MEF2A: variants seen among roughly 807,000 people sequenced by gnomAD.
The protein encoded by MEF2A is myocyte-specific enhancer factor 2A.
In MEF2A, 28 loss-of-function variants were observed where a neutral mutation model predicts 55.8. The observed-to-expected ratio is 0.50, with a 90% confidence interval of 0.37 to 0.69. The LOEUF is 0.69. Ranked by LOEUF, MEF2A falls within the 30% of genes least tolerant of loss-of-function variation. The probability of loss-of-function intolerance (pLI) is 0.00; values close to 1 mark genes in which losing one functional copy is unlikely to be tolerated. For synonymous variants in MEF2A, 239 were observed against 227.1 expected, an observed-to-expected ratio of 1.05 and a Z score of -0.47; for missense variants, 528 against 626.2, an observed-to-expected ratio of 0.84 and a Z score of 1.67.
chr15:99,698,472 CA>C (rs1223357041), intron 8 of MEF2A, among the ~76,000 whole-genome samples: 1 of 152,074 alleles, frequency 6.6e-6, no homozygotes, highest in Admixed American at 6.6e-5. Flanking sequence ...GATATAACTG[CA>C]CATCTAGTAA....
intron 2 of MEF2A, among the ~76,000 whole-genome samples, chr15:99,615,788 C>T (rs1053437938): frequency 6.6e-6 from 1 of 152,150 alleles, no homozygotes; most frequent in African/African-American, 2.4e-5. Flanking sequence ...TTATGGAAGA[C>T]CTGTGTATAC....
intron 1 of MEF2A, among the ~76,000 whole-genome samples, chr15:99,590,274 T>C (rs1466414191): frequency 2.0e-5 from 3 of 151,874 alleles, no homozygotes; most frequent in East Asian, 1.9e-4. Context: ...TTGTCTGATA[T>C]TAATATAGGC....
At chr15:99,587,301 T>C (rs1967671611) in intron 1 of MEF2A, among the ~76,000 whole-genome samples, 1 of 152,056 alleles carries the variant, frequency 6.6e-6, no homozygotes, top group Admixed American at 6.6e-5. Context: ...AGTGAGAACA[T>C]GTGGTGTTTG....
chr15:99,678,442 A>G (rs1310457780), intron 7 of MEF2A, among the ~76,000 whole-genome samples: 3 of 152,228 alleles, frequency 2.0e-5, no homozygotes, highest in Admixed American at 6.5e-5. Flanking sequence ...TATATATGTC[A>G]TAACTTACTG....
intron 4 of MEF2A, among the ~76,000 whole-genome samples, chr15:99,646,203 G>A (rs748871540): frequency 2.6e-5 from 4 of 152,208 alleles, no homozygotes; most frequent in Admixed American, 2.6e-4. Context: ...TAGTGTTTTA[G>A]TTGGGCAACA....
intron 11 of MEF2A, among the ~76,000 whole-genome samples, chr15:99,711,903 T>G (rs1567517343): frequency 1.3e-5 from 2 of 152,198 alleles, no homozygotes. Flanking sequence ...TGCGTCCTCC[T>G]CTACTGCTCT....
intron 3 of MEF2A, among the ~76,000 whole-genome samples, chr15:99,638,170 T>C (rs1438086967): frequency 6.6e-6 from 1 of 152,238 alleles, no homozygotes; most frequent in Non-Finnish European, 1.5e-5. Context: ...GAATTCTAGA[T>C]TGGCAGTTTT....
chr15:99,583,260 A>C (rs576099069), intron 1 of MEF2A, among the ~76,000 whole-genome samples: 2 of 152,168 alleles, frequency 1.3e-5, no homozygotes, highest in South Asian at 4.1e-4. Context: ...TAGAGTTTGC[A>C]TTCCTCAAAT....
chr15:99,677,957 T>C (rs909652319), intron 7 of MEF2A, among the ~76,000 whole-genome samples: 1 of 152,194 alleles, frequency 6.6e-6, no homozygotes, highest in Non-Finnish European at 1.5e-5. Context: ...GCTTTTGTGG[T>C]ATTGTAAATC....
intron 1 of MEF2A, among the ~76,000 whole-genome samples, chr15:99,569,881 A>G (rs1194883340): frequency 6.6e-6 from 1 of 152,014 alleles, no homozygotes; most frequent in Non-Finnish European, 1.5e-5. Flanking sequence ...TGTGTGCCTT[A>G]TAATAAATGG....
Position 99,674,609 on chromosome 15 carries a change from G to T in MEF2A, c.607G>T (p.Ala203Ser). Residue 203 changes from alanine to serine, a missense_variant, in exon 6 of 12, where the codon GCA (alanine) becomes TCA (serine). Transcript: ENST00000557942. ...APQRPPSTGN[A>S]GGMLSTTDLT... ...TCAGAGACCACCAAGTACTGGCAAT[G>T]CAGGTATGTAGTGATACCTATTATG... 2 of 1,611,846 alleles carry T rather than the reference G, an allele frequency of 1.2e-6. No homozygotes were observed. The highest frequency in any genetic ancestry group is 1.7e-4 in the Middle Eastern group (1 of 6,060).
At position 99,712,533 on chromosome 15, in the gene MEF2A, A is replaced by ACCACC. The variant is rs2058764598; in HGVS notation, c.1280_1281insCCACC (p.Gln427HisfsTer32). On this transcript the variant is annotated frameshift_variant, in exon 12 of 12. Coordinates refer to ENST00000557942, the MANE Select transcript of MEF2A (RefSeq NM_001319206.4). LOFTEE classifies it high-confidence loss of function. This position sits in a 1 kb window ranked among gnomAD's most constrained non-coding sequence, Gnocchi z 4.1. ...CAGCAGCAGCAGCAGCAGCAGCAGCAGCAGCCGCCGCCACCACCGCAGCCC... is the reference window on the plus strand; with the variant it reads ...CAGCAGCAGCAGCAGCAGCAGCAGCACCACCGCAGCCGCCGCCACCACCGCAGCCC... 7.2e-6 allele frequency: 10 copies of ACCACC among 1,381,200 alleles called. No homozygotes were observed. Among genetic ancestry groups the ACCACC allele is most frequent in the South Asian group, 5.1e-5 (4 of 77,880 alleles). 85.6% of individuals were successfully genotyped at this position (1,381,200 alleles called of 1,614,324 possible).
At chr15:99,702,802 C>CATA (rs2057574137) in intron 8 of MEF2A, among the ~76,000 whole-genome samples, 1 of 152,094 alleles carries the variant, frequency 6.6e-6, no homozygotes, top group African/African-American at 2.4e-5. Context: ...AAATGATAAA[C>CATA]ATATATAAAA....
intron 2 of MEF2A, among the ~76,000 whole-genome samples, chr15:99,618,431 A>G (rs538698824): frequency 6.6e-6 from 1 of 152,210 alleles, no homozygotes; most frequent in Non-Finnish European, 1.5e-5. Flanking sequence ...AGGGTAAAAA[A>G]TGCCCTAAAG....
chr15:99,595,272 G>A (rs775157560), intron 1 of MEF2A, among the ~76,000 whole-genome samples: 2 of 152,148 alleles, frequency 1.3e-5, no homozygotes, highest in Non-Finnish European at 2.9e-5. Context: ...AAGTATTACT[G>A]CTGCTCTTGT....
Position 99,602,698 on chromosome 15 carries a change from G to GTA in MEF2A, c.-143+4188_-143+4189dup, listed in dbSNP as rs1555454716. ...TGTGTGTGTGTGTGTGTGTGTGTGTGTAGGGGTGGGGAGCTTTTTGTGTGT... is the reference window on the plus strand; with the variant it reads ...TGTGTGTGTGTGTGTGTGTGTGTGTGTATAGGGGTGGGGAGCTTTTTGTGTGT... On this transcript the variant is annotated intron_variant, in intron 2 of 11. Transcript: ENST00000557942. Among the ~76,000 whole-genome samples the GTA allele has an allele frequency of 5.0e-4, 45 of 89,518 alleles. 1 individual carries two copies. Among genetic ancestry groups the GTA allele is most frequent in the African/African-American group, 2.0e-3 (40 of 20,100 alleles). The allele number at this position is 89,518 out of a possible 152,430, so 58.7% of individuals were successfully genotyped here. A position where few individuals can be genotyped will look rare whatever the true frequency, so the allele number is the denominator to read the frequency against.
intron 1 of MEF2A, among the ~76,000 whole-genome samples, chr15:99,578,025 C>G (rs1229510535): frequency 6.6e-6 from 1 of 152,172 alleles, no homozygotes; most frequent in Non-Finnish European, 1.5e-5. Flanking sequence ...CTGCTGATCT[C>G]TCCTCTGTAA....
At position 99,702,619 on chromosome 15, in the gene MEF2A, G is replaced by A. The variant is rs530025284; in HGVS notation, c.859-743G>A. Among the ~76,000 whole-genome samples the A allele has an allele frequency of 7.9e-5, 12 of 152,018 alleles. No homozygotes were observed. The South Asian group carries it at 2.5e-3, about 32-fold the overall frequency. ...ATTTTTGTAGTTTTAGTAGAGACAA[G>A]GTTTCACCATCTTGGCCAGGCTGGT... On this transcript the variant is annotated intron_variant, in intron 8 of 11. Transcript: ENST00000557942.
intron 2 of MEF2A, among the ~76,000 whole-genome samples, chr15:99,603,530 C>T (rs1974030158): frequency 1.3e-5 from 1 of 74,694 alleles, no homozygotes; most frequent in Non-Finnish European, 3.1e-5. Flanking sequence ...GCAGCCATCA[C>T]ACCTGGCTGA....
Sources: allele counts gnomAD v4.1 joint callset (sites outside exome capture counted in the v4.1 genomes callset), GRCh38; gene constraint gnomAD v4.1.1; non-coding constraint Gnocchi (gnomAD v3.1); transcripts MANE v1.5; gene names NCBI Gene and HGNC (gene_info 2026-07-23, HGNC 2026-07-21).